CATSPERD: variants seen among roughly 807,000 people sequenced by gnomAD.
CATSPERD encodes catsper channel auxiliary subunit delta.
Under a neutral mutation model 98.1 loss-of-function variants are expected in CATSPERD, and 86 were observed. The ratio of observed to expected loss-of-function variants is 0.88; its 90% CI spans 0.74 to 1.05. The LOEUF (loss-of-function observed/expected upper bound fraction) is 1.05, where lower values mean the gene tolerates loss of function less well. CATSPERD is among the 50% of genes least tolerant of loss of function. The pLI is 0.00. For synonymous variants in CATSPERD, 394 were observed against 390.2 expected, an observed-to-expected ratio of 1.01 and a Z score of -0.12; for missense variants, 995 against 1,005.7, an observed-to-expected ratio of 0.99 and a Z score of 0.14.
At chr19:5,755,773 C>CAATA (rs34152865) in intron 13 of CATSPERD, among the ~76,000 whole-genome samples, 12,510 of 148,994 alleles carry the variant, frequency 0.084, 552 homozygotes, top group Middle Eastern at 0.12. Flanking sequence ...GACTCTGTCT[C>CAATA]AATAAATAAA....
chr19:5,741,696 C>T (rs954618764), intron 7 of CATSPERD, among the ~76,000 whole-genome samples: 4 of 148,454 alleles, frequency 2.7e-5, no homozygotes, highest in Non-Finnish European at 5.9e-5. Context: ...AATGAGGTCA[C>T]ATTGAAATCA....
chr19:5,759,671 G>T (rs1348096626), intron 15 of CATSPERD, among the ~76,000 whole-genome samples: 1 of 151,654 alleles, frequency 6.6e-6, no homozygotes, highest in East Asian at 1.9e-4. Context: ...ACAGCAGCGT[G>T]ATTCACAACA....
At chr19:5,744,199 C>T (rs1021965067) in intron 7 of CATSPERD, among the ~76,000 whole-genome samples, 1 of 152,046 alleles carries the variant, frequency 6.6e-6, no homozygotes, top group African/African-American at 2.4e-5. Context: ...AGGCTGGTCT[C>T]GAACTGCTGA....
intron 15 of CATSPERD, among the ~76,000 whole-genome samples, chr19:5,761,244 G>A (rs1344943916): frequency 6.6e-6 from 1 of 152,046 alleles, no homozygotes; most frequent in Non-Finnish European, 1.5e-5. Context: ...TGGGATTATA[G>A]GCATGTGCCA....
At chr19:5,769,815 A>G (rs2056611182) in intron 18 of CATSPERD, among the ~76,000 whole-genome samples, 1 of 152,058 alleles carries the variant, frequency 6.6e-6, no homozygotes, top group Non-Finnish European at 1.5e-5. Context: ...TTGGCCGGGC[A>G]GGGTGGCTCA....
intron 18 of CATSPERD, among the ~76,000 whole-genome samples, chr19:5,769,100 G>A (rs576281499): frequency 2.6e-5 from 4 of 151,784 alleles, no homozygotes; most frequent in East Asian, 3.9e-4. Flanking sequence ...GTTGCAGTGA[G>A]CCAAGATTGA....
chr19:5,757,955 CCT>C (rs771852838), intron 14 of CATSPERD, 23 bp downstream of exon 14: 3 of 1,594,450 alleles, frequency 1.9e-6, no homozygotes, highest in Non-Finnish European at 2.6e-6. Context: ...CCCACCAAAC[CCT>C]GTCGCCTGTC....
At chr19:5,728,227 G>A (rs1249526693) in intron 3 of CATSPERD, among the ~76,000 whole-genome samples, 54 of 151,412 alleles carry the variant, frequency 3.6e-4, no homozygotes, top group Admixed American at 6.6e-5. Context: ...GCGTGATGGC[G>A]CCCGCCTGTA....
At chr19:5,737,229 CA>C (rs2055865345) in intron 6 of CATSPERD, 24 bp downstream of exon 6, 1 of 1,525,176 alleles carries the variant, frequency 6.6e-7, no homozygotes, top group Non-Finnish European at 9.1e-7. Context: ...TATAATTGTT[CA>C]TTTTTTTTTG....
intron 2 of CATSPERD, among the ~76,000 whole-genome samples, chr19:5,726,128 C>T (rs1347051208): frequency 6.7e-6 from 1 of 149,842 alleles, no homozygotes; most frequent in Middle Eastern, 3.2e-3. Flanking sequence ...GTGGCACAAT[C>T]TTGGCTCACT....
intron 1 of CATSPERD, among the ~76,000 whole-genome samples, chr19:5,724,040 G>A (rs189073938): frequency 4.5e-4 from 69 of 152,092 alleles, no homozygotes; most frequent in Middle Eastern, 3.4e-3. Context: ...TGATCCACCC[G>A]CTTTGGCCTC....
Position 5,768,194 on chromosome 19 carries a change from T to G in CATSPERD, c.1586T>G (p.Ile529Ser). 1 of 1,613,866 alleles carries G rather than the reference T, an allele frequency of 6.2e-7. No individual in the cohort carries two copies. The highest frequency in any genetic ancestry group is 1.1e-5 in the South Asian group (1 of 91,082). ...AAAGTTTCCGCCTGTTCCATGGGCATCCTGGACCCCTTGACCCTGCAAGAC... is the reference window on the plus strand; with the variant it reads ...AAAGTTTCCGCCTGTTCCATGGGCAGCCTGGACCCCTTGACCCTGCAAGAC... ...QNKVSACSMG[I>S]LDPLTLQDNY... The change falls in exon 18 of 22, where the codon ATC becomes AGC. Residue 529 changes from isoleucine (I) to serine (S), a missense_variant. This residue lies in a region of CATSPERD where 762 missense variants were observed against 773.7 expected (regional missense o/e 0.98). Coordinates refer to ENST00000381624, the MANE Select transcript of CATSPERD (RefSeq NM_152784.4).
At chr19:5,777,216 G>A (rs1182125641) in intron 21 of CATSPERD, among the ~76,000 whole-genome samples, 4 of 151,818 alleles carry the variant, frequency 2.6e-5, no homozygotes, top group Admixed American at 1.3e-4. Flanking sequence ...AAAAAAACAC[G>A]TGGAGGTCCT....
chr19:5,728,600 A>G (rs1198893515), intron 3 of CATSPERD, among the ~76,000 whole-genome samples: 1 of 150,470 alleles, frequency 6.6e-6, no homozygotes, highest in Non-Finnish European at 1.5e-5. Flanking sequence ...GACCAATTAT[A>G]AAACATAATT....
At chr19:5,771,148 TG>T in intron 19 of CATSPERD, 76 bp downstream of exon 19, 1 of 1,499,222 alleles carries the variant, frequency 6.7e-7, no homozygotes, top group Non-Finnish European at 9.0e-7. Context: ...GGTACCAGCC[TG>T]GCCCTCCAGG....
intron 20 of CATSPERD, chr19:5,775,099 T>C: frequency 5.6e-6 from 2 of 359,046 alleles, no homozygotes; most frequent in South Asian, 2.2e-5. Flanking sequence ...CAGGAAGGCC[T>C]GAAAGCAGGC....
intron 16 of CATSPERD, among the ~76,000 whole-genome samples, chr19:5,765,312 T>C (rs1236238668): frequency 6.6e-6 from 1 of 152,208 alleles, no homozygotes; most frequent in East Asian, 1.9e-4. Flanking sequence ...GCACTGCAGT[T>C]TGAGAAGCAT....
rs774679619 is a variant in CATSPERD at position 5,778,637 on chromosome 19, A to ACGCCAC, written c.2362_2367dup (p.His788_Arg789dup). On this transcript the variant is annotated inframe_insertion, in exon 22 of 22. Transcript: ENST00000381624. Reference sequence around the variant, plus strand: ...CCAGGGCAGGCACAGAGCCCCCGGGACGCCACCGCACTCCTCACGGAGGCA... The same window carrying ACGCCAC: ...CCAGGGCAGGCACAGAGCCCCCGGGACGCCACCGCCACCGCACTCCTCACGGAGGCA... The ACGCCAC allele has an allele frequency of 6.2e-7, 1 of 1,613,516 alleles. No individual in the cohort carries two copies. The highest frequency in any genetic ancestry group is 2.2e-5 in the East Asian group (1 of 44,882).
intron 4 of CATSPERD, among the ~76,000 whole-genome samples, chr19:5,733,086 T>C (rs1331834183): frequency 1.3e-5 from 2 of 151,626 alleles, no homozygotes; most frequent in Non-Finnish European, 2.9e-5. Context: ...CTCCACCTCC[T>C]GGGTTCAAGC....
Sources: allele counts gnomAD v4.1 joint callset (sites outside exome capture counted in the v4.1 genomes callset), GRCh38; gene constraint gnomAD v4.1.1; regional missense constraint gnomAD v4.1.1; transcripts MANE v1.5; gene names NCBI Gene and HGNC (gene_info 2026-07-23, HGNC 2026-07-21).